The following CCDC102B variants were observed in gnomAD, a reference collection of about 807,000 sequenced individuals.
CCDC102B encodes the protein coiled-coil domain-containing protein 102B.
A neutral mutation model predicts 57.4 loss-of-function variants in CCDC102B; 75 were observed. That is an observed-to-expected ratio of 1.31 (90% CI 1.08 to 1.58). CCDC102B has a LOEUF of 1.58. CCDC102B is among the 40% of genes most tolerant of loss of function. The pLI, the probability that CCDC102B is intolerant of heterozygous loss-of-function variation, is 0.00. For missense variants in CCDC102B, 636 were observed against 582.6 expected, an observed-to-expected ratio of 1.09 and a Z score of -0.94; for synonymous variants, 206 against 201.9, an observed-to-expected ratio of 1.02 and a Z score of -0.17.
Position 68,808,325 on chromosome 18 carries a change from T to A in CCDC102B, c.-16+10144T>A, listed in dbSNP as rs145625781. ...GATTACAGTGGCCAGGACAAAGAAG[T>A]CAGCATTTTGTCAATATATTACTAG... On this transcript the variant is annotated intron_variant, in intron 1 of 7. Coordinates refer to ENST00000360242, the MANE Select transcript of CCDC102B (RefSeq NM_024781.3). Among the ~76,000 whole-genome samples the A allele has an allele frequency of 4.0e-3, 611 of 152,174 alleles. 9 individuals carry two copies. Among genetic ancestry groups the A allele is most frequent in the African/African-American group, 0.014 (569 of 41,544 alleles).
At chr18:69,039,957 A>G (rs2052389238) in intron 7 of CCDC102B, among the ~76,000 whole-genome samples, 3 of 151,954 alleles carry the variant, frequency 2.0e-5, no homozygotes, top group Admixed American at 2.0e-4. Flanking sequence ...TTTCCTTCAA[A>G]TACTGAATGA....
chr18:68,942,923 A>G (rs2049422658), intron 6 of CCDC102B, among the ~76,000 whole-genome samples: 1 of 99,108 alleles, frequency 1.0e-5, no homozygotes, highest in Admixed American at 1.0e-4. Context: ...TTTCCTAGGC[A>G]GAGGTCCCTG....
At chr18:68,760,384 A>G (rs562691248) in intron 2 of CCDC102B, among the ~76,000 whole-genome samples, 2 of 152,230 alleles carry the variant, frequency 1.3e-5, no homozygotes, top group African/African-American at 4.8e-5. Flanking sequence ...AGTTAATTAC[A>G]TGACTCAGTA....
chr18:68,736,478 GTTGTTGCCT>G (rs1233853254), intron 2 of CCDC102B, among the ~76,000 whole-genome samples: 1 of 152,146 alleles, frequency 6.6e-6, no homozygotes, highest in Admixed American at 6.5e-5. Context: ...CATTATTAAT[GTTGTTGCCT>G]TGCACCGCGC....
chr18:68,919,183 C>T (rs1245694819), intron 6 of CCDC102B, among the ~76,000 whole-genome samples: 1 of 151,540 alleles, frequency 6.6e-6, no homozygotes, highest in African/African-American at 2.4e-5. Flanking sequence ...AATAATTTTC[C>T]CAACTACTAG....
At chr18:68,728,897 C>A (rs1287405457) in intron 2 of CCDC102B, among the ~76,000 whole-genome samples, 1 of 151,296 alleles carries the variant, frequency 6.6e-6, no homozygotes, top group Non-Finnish European at 1.5e-5. Context: ...GAAAGGAAAG[C>A]AAAATTGTTA....
At chr18:68,724,514 G>T (rs1192653498) in intron 2 of CCDC102B, among the ~76,000 whole-genome samples, 1 of 152,120 alleles carries the variant, frequency 6.6e-6, no homozygotes, top group Non-Finnish European at 1.5e-5. Flanking sequence ...CAAGTTCAAA[G>T]TTCCACAGAT....
At chr18:68,838,560 G>A (rs117016431) in intron 2 of CCDC102B, 146 bp from the exon 3 acceptor site, 64,265 of 1,429,344 alleles carry the variant, frequency 0.045, 1,632 homozygotes, top group Non-Finnish European at 0.052. Flanking sequence ...AGTAAGTGTG[G>A]CCACACAACA....
intron 6 of CCDC102B, among the ~76,000 whole-genome samples, chr18:69,003,594 T>C (rs191904834): frequency 6.6e-6 from 1 of 152,334 alleles, no homozygotes; most frequent in East Asian, 1.9e-4. Context: ...ACTCTGGACC[T>C]GATACCTATG....
chr18:68,845,540 A>T (rs2037822490), intron 3 of CCDC102B, among the ~76,000 whole-genome samples: 1 of 151,862 alleles, frequency 6.6e-6, no homozygotes, highest in South Asian at 2.1e-4. Context: ...AAATGGAGGA[A>T]TATCAATGAG....
At position 68,914,995 on chromosome 18, in the gene CCDC102B, GAC is replaced by G. The variant is rs1468140272; in HGVS notation, c.1263+17569_1263+17570del. Reference sequence around the variant, plus strand: ...GGGGGGAGAGAGAGAGAGAGAGAGAGACAGACAGAAAGAGAGAGAGAGAGAAA... The same window carrying G: ...GGGGGGAGAGAGAGAGAGAGAGAGAGAGACAGAAAGAGAGAGAGAGAGAAA... On this transcript the variant is annotated intron_variant, in intron 6 of 7. Coordinates refer to ENST00000360242, the MANE Select transcript of CCDC102B (RefSeq NM_024781.3). Among the ~76,000 whole-genome samples the G allele has an allele frequency of 9.5e-5, 14 of 146,878 alleles. No homozygotes were observed. The South Asian group carries it at 2.0e-3, about 21-fold the overall frequency.
rs764983715 is a variant in CCDC102B at position 68,874,704 on chromosome 18, G to T, written c.972G>T (p.Met324Ile). Residue 324 changes from methionine (M) to isoleucine (I), a missense_variant, in exon 5 of 8, where the codon ATG becomes ATT. Physicochemically the swap from Met to Ile is conservative, Grantham distance 10. Coordinates refer to ENST00000360242, the MANE Select transcript of CCDC102B (RefSeq NM_024781.3). ...DILLGQHNDE[M>I]QELSGNIKEE... Reference sequence around the variant, plus strand: ...TTCTTGGTCAACATAATGATGAAATGCAAGAACTGTCAGGCAATATAAAGG... The same window carrying T: ...TTCTTGGTCAACATAATGATGAAATTCAAGAACTGTCAGGCAATATAAAGG... 1.2e-6 allele frequency: 2 copies of T among 1,611,586 alleles called. No individual in the cohort carries two copies. Among genetic ancestry groups the T allele is most frequent in the South Asian group, 2.2e-5 (2 of 90,996 alleles).
intron 6 of CCDC102B, among the ~76,000 whole-genome samples, chr18:68,958,405 A>T (rs1034053227): frequency 9.9e-5 from 15 of 152,106 alleles, no homozygotes; most frequent in African/African-American, 3.6e-4. Flanking sequence ...ACCTTGATTG[A>T]TTTGCATATG....
At chr18:68,984,737 G>C (rs1200914929) in intron 6 of CCDC102B, among the ~76,000 whole-genome samples, 2 of 152,050 alleles carry the variant, frequency 1.3e-5, no homozygotes, top group African/African-American at 2.4e-5. Context: ...CCAACACAGA[G>C]TGAGAGATAA....
chr18:68,769,150 G>A (rs2034557082), intron 2 of CCDC102B, among the ~76,000 whole-genome samples: 1 of 151,964 alleles, frequency 6.6e-6, no homozygotes, highest in South Asian at 2.1e-4. Context: ...CTACTCAAGA[G>A]GCTGAGGCAG....
chr18:68,999,273 G>A lies in CCDC102B; in HGVS notation c.1264-11661G>A, dbSNP rs572677737. On this transcript the variant is annotated intron_variant, in intron 6 of 7. Transcript: ENST00000360242. ...AGATCTGGTCTATAGGTTGAGTGGG[G>A]CATGTAATCAAAATAAGTTTCTCTT... Among the ~76,000 whole-genome samples, 6 of 152,002 alleles carry A rather than the reference G, an allele frequency of 3.9e-5. No individual in the cohort carries two copies. In the East Asian group the frequency reaches 1.2e-3, roughly 30 times the overall value.
intron 2 of CCDC102B, among the ~76,000 whole-genome samples, chr18:68,788,043 G>C (rs1599460942): frequency 6.6e-6 from 1 of 150,506 alleles, no homozygotes; most frequent in African/African-American, 2.4e-5. Flanking sequence ...TGTTCTCGTT[G>C]GTTTCAAAGA....
At chr18:68,790,865 C>T (rs2035435357) in intron 2 of CCDC102B, among the ~76,000 whole-genome samples, 1 of 152,098 alleles carries the variant, frequency 6.6e-6, no homozygotes, top group Non-Finnish European at 1.5e-5. Flanking sequence ...GTTTTGGTAA[C>T]TTTTATTGTG....
chr18:68,738,187 G>C (rs1031823909), intron 2 of CCDC102B, among the ~76,000 whole-genome samples: 2 of 152,062 alleles, frequency 1.3e-5, no homozygotes, highest in African/African-American at 4.8e-5. Context: ...TTCCTTGGTC[G>C]TATGTCCACT....
Sources: allele counts gnomAD v4.1 joint callset (sites outside exome capture counted in the v4.1 genomes callset), GRCh38; gene constraint gnomAD v4.1.1; transcripts MANE v1.5; gene names NCBI Gene and HGNC (gene_info 2026-07-23, HGNC 2026-07-21).